The following SNTG1 variants were observed in gnomAD, a reference collection of about 807,000 sequenced individuals.
SNTG1 encodes syntrophin gamma 1, also known as gamma-1-syntrophin.
Under a neutral mutation model 74.7 loss-of-function variants are expected in SNTG1, and 39 were observed. The ratio of observed to expected loss-of-function variants is 0.52; its 90% CI spans 0.40 to 0.68. The LOEUF is 0.68. SNTG1 is among the 30% of genes least tolerant of loss of function. The pLI, the probability that SNTG1 is intolerant of heterozygous loss-of-function variation, is 0.00. For missense variants in SNTG1, 685 were observed against 609.5 expected (o/e 1.12, Z -1.30); for synonymous variants, 254 against 217.1 (o/e 1.17, Z -1.49).
chr8:50,060,267 C>T (rs371280616), intron 1 of SNTG1, among the ~76,000 whole-genome samples: 1 of 152,026 alleles, frequency 6.6e-6, no homozygotes, highest in Admixed American at 6.6e-5. Flanking sequence ...AGTGCCTTAT[C>T]AGATAAAGCA....
Position 50,772,301 on chromosome 8 carries a change from T to A in SNTG1, c.1395+20190T>A, listed in dbSNP as rs144392499. On this transcript the variant is annotated intron_variant, in intron 18 of 18. Coordinates refer to ENST00000642720, the MANE Select transcript of SNTG1 (RefSeq NM_018967.5). The stretch of plus-strand genomic sequence containing the variant: ...ACCCTTCACAACAATGTACACAGGG[T>A]GTGAGATATGAAGTAAAATAAAATT... 8.3e-3 allele frequency among the ~76,000 whole-genome samples: 1,270 copies of A among 152,168 alleles called. 8 individuals carry two copies. The highest frequency in any genetic ancestry group is 0.011 in the Non-Finnish European group (725 of 67,998).
intron 8 of SNTG1, among the ~76,000 whole-genome samples, chr8:50,486,951 A>G (rs1587788582): frequency 6.6e-6 from 1 of 152,214 alleles, no homozygotes; most frequent in African/African-American, 2.4e-5. Context: ...GCTGGATTAC[A>G]TTTATTGATT....
chr8:50,593,423 C>T (rs2094705144), intron 13 of SNTG1, among the ~76,000 whole-genome samples: 1 of 151,468 alleles, frequency 6.6e-6, no homozygotes, highest in African/African-American at 2.4e-5. Flanking sequence ...AAGAACTATC[C>T]AAAATATTTT....
chr8:50,672,358 C>A (rs2095288157), intron 15 of SNTG1, among the ~76,000 whole-genome samples: 1 of 152,068 alleles, frequency 6.6e-6, no homozygotes. Flanking sequence ...TGTTTCTTAA[C>A]TTTTTAATAA....
chr8:50,727,890 C>G (rs1175453495), intron 17 of SNTG1, among the ~76,000 whole-genome samples: 1 of 152,148 alleles, frequency 6.6e-6, no homozygotes, highest in East Asian at 1.9e-4. Flanking sequence ...CTTCCTCCTA[C>G]CTCCTGATTG....
chr8:50,322,827 T>C (rs1247980694), intron 2 of SNTG1, among the ~76,000 whole-genome samples: 1 of 151,936 alleles, frequency 6.6e-6, no homozygotes, highest in African/African-American at 2.4e-5. Flanking sequence ...ATTAAGATAC[T>C]TTGCTGTGAC....
At chr8:50,010,818 G>T (rs1330005886) in intron 1 of SNTG1, among the ~76,000 whole-genome samples, 4 of 146,888 alleles carry the variant, frequency 2.7e-5, no homozygotes, top group African/African-American at 1.0e-4. Context: ...TGGTGAGGTG[G>T]AGGGGGAAGA....
intron 1 of SNTG1, among the ~76,000 whole-genome samples, chr8:50,142,080 C>T (rs1279122328): frequency 6.6e-6 from 1 of 152,004 alleles, no homozygotes; most frequent in East Asian, 1.9e-4. Flanking sequence ...TTCTGGGTCA[C>T]TATAATTGTG....
chr8:50,627,747 A>C (rs997885217), intron 13 of SNTG1, among the ~76,000 whole-genome samples: 6 of 152,212 alleles, frequency 3.9e-5, no homozygotes, highest in African/African-American at 1.4e-4. Flanking sequence ...TCCGCAGATG[A>C]ATAGCAGATG....
intron 18 of SNTG1, among the ~76,000 whole-genome samples, chr8:50,773,914 A>G (rs937283882): frequency 3.3e-5 from 5 of 152,272 alleles, no homozygotes; most frequent in Admixed American, 3.3e-4. Context: ...AGAAGTAATG[A>G]AAAGAATCAA....
chr8:50,731,496 C>T (rs1040916720), intron 17 of SNTG1, among the ~76,000 whole-genome samples: 6 of 152,026 alleles, frequency 3.9e-5, no homozygotes, highest in Non-Finnish European at 7.4e-5. Context: ...AAGCTTTTGA[C>T]GCCAAAAATT....
chr8:50,450,521 T>A, intron 6 of SNTG1, 35 bp from the exon 7 acceptor site: 1 of 1,607,172 alleles, frequency 6.2e-7, no homozygotes, highest in Middle Eastern at 1.7e-4. Context: ...ACAAAAACAG[T>A]CAATGCATTA....
intron 2 of SNTG1, among the ~76,000 whole-genome samples, chr8:50,271,350 C>A (rs1199280747): frequency 6.6e-6 from 1 of 152,106 alleles, no homozygotes; most frequent in Non-Finnish European, 1.5e-5. Context: ...ATCTAAGACT[C>A]AGAAAGGTTT....
chr8:50,589,194 G>A (rs547735111), intron 12 of SNTG1, among the ~76,000 whole-genome samples: 1 of 152,128 alleles, frequency 6.6e-6, no homozygotes, highest in Admixed American at 6.6e-5. Context: ...GGATAGAGAT[G>A]GTAACATTCA....
At chr8:50,393,454 C>T (rs891114649) in intron 2 of SNTG1, among the ~76,000 whole-genome samples, 1 of 152,134 alleles carries the variant, frequency 6.6e-6, no homozygotes, top group Admixed American at 6.5e-5. Flanking sequence ...ATTTACTTAT[C>T]CATTATATTT....
At chr8:50,125,163 C>T (rs1259927222) in intron 1 of SNTG1, among the ~76,000 whole-genome samples, 1 of 141,894 alleles carries the variant, frequency 7.0e-6, no homozygotes, top group East Asian at 2.0e-4. Flanking sequence ...GTTTGGGTAG[C>T]AGGTGGACTA....
chr8:50,503,637 G>A (rs766317818), intron 9 of SNTG1, among the ~76,000 whole-genome samples: 1 of 151,902 alleles, frequency 6.6e-6, no homozygotes, highest in Non-Finnish European at 1.5e-5. Flanking sequence ...TTTTATTCTG[G>A]CGTCTTTCAT....
At chr8:50,466,424 A>T (rs11780695) in intron 8 of SNTG1, among the ~76,000 whole-genome samples, 1 of 151,740 alleles carries the variant, frequency 6.6e-6, no homozygotes, top group Non-Finnish European at 1.5e-5. Flanking sequence ...TGCCAACACC[A>T]TGCTGCCTTA....
At chr8:50,746,504 C>T (rs2095555400) in intron 17 of SNTG1, among the ~76,000 whole-genome samples, 1 of 151,880 alleles carries the variant, frequency 6.6e-6, no homozygotes, top group East Asian at 1.9e-4. Flanking sequence ...TGACAGGACT[C>T]CTCAAAGTTT....
Sources: allele counts gnomAD v4.1 joint callset (sites outside exome capture counted in the v4.1 genomes callset), GRCh38; gene constraint gnomAD v4.1.1; transcripts MANE v1.5; gene names NCBI Gene and HGNC (gene_info 2026-07-23, HGNC 2026-07-21).